COMMD1: variants seen among roughly 807,000 people sequenced by gnomAD.
COMMD1 encodes the protein copper metabolism domain containing 1.
Under a neutral mutation model 17.2 loss-of-function variants are expected in COMMD1, and 10 were observed. The observed-to-expected ratio is 0.58, with a 90% CI of 0.36 to 0.99. The LOEUF (loss-of-function observed/expected upper bound fraction) is 0.99. COMMD1 is among the 50% of genes least tolerant of loss of function. COMMD1 has a pLI of 0.01. For missense variants in COMMD1, 270 were observed against 231.8 expected, an observed-to-expected ratio of 1.17 and a Z score of -1.07; for synonymous variants, 97 against 91.6, an observed-to-expected ratio of 1.06 and a Z score of -0.34.
At chr2:61,974,286 AAAG>A (rs1229069958) in intron 1 of COMMD1, among the ~76,000 whole-genome samples, 10 of 151,984 alleles carry the variant, frequency 6.6e-5, no homozygotes, top group African/African-American at 1.9e-4. Context: ...GTCTAAGAAA[AAAG>A]AAGTTTATAT....
chr2:62,074,375 T>G (rs1671282010), intron 2 of COMMD1, among the ~76,000 whole-genome samples: 1 of 152,174 alleles, frequency 6.6e-6, no homozygotes, highest in African/African-American at 2.4e-5. Flanking sequence ...GGCCCACCCC[T>G]CATCCTGAGT....
At position 62,000,892 on chromosome 2, in the gene COMMD1, G is replaced by C; in HGVS notation, c.372G>C (p.Trp124Cys). The part of the protein sequence containing the change: ...RWNSGLRGLS[W>C]RVDGKSQSRH... ...ATAGCGGGCTTCGGGGCCTGAGCTGGAGAGTTGATGGCAAGTCTCAGTCAA... is the reference window on the plus strand; with the variant it reads ...ATAGCGGGCTTCGGGGCCTGAGCTGCAGAGTTGATGGCAAGTCTCAGTCAA... Residue 124 changes from tryptophan (W) to cysteine (C), a missense_variant, in exon 2 of 3, where the codon TGG (tryptophan) becomes TGC (cysteine). By Grantham distance (215) the Trp-to-Cys change is radical (BLOSUM62 -2). Coordinates refer to ENST00000311832, the MANE Select transcript of COMMD1 (RefSeq NM_152516.4). 2 of 1,614,176 alleles carry C rather than the reference G, an allele frequency of 1.2e-6. No individual in the cohort carries two copies. The highest frequency in any genetic ancestry group is 8.5e-7 in the Non-Finnish European group (1 of 1,180,026).
In COMMD1 at chr2:62,135,170, G is replaced by T. The variant is rs181995169; in HGVS notation, c.463-661G>T. Among the ~76,000 whole-genome samples the T allele has an allele frequency of 3.6e-3, 543 of 152,216 alleles. 1 individual carries two copies. Among genetic ancestry groups the T allele is most frequent in the South Asian group, 0.02 (95 of 4,820 alleles). On this transcript the variant is annotated intron_variant, in intron 2 of 2. Transcript: ENST00000311832. The stretch of plus-strand genomic sequence containing the variant: ...TATATGGTATTTATTTTTGATACAG[G>T]TTAACCTCTTTGTGCCTCAGGGTCC...
Position 62,036,713 on chromosome 2 carries a change from T to A in COMMD1, c.462+35731T>A, listed in dbSNP as rs1272516722. Among the ~76,000 whole-genome samples, 5 of 152,204 alleles carry A rather than the reference T, an allele frequency of 3.3e-5. No individual in the cohort carries two copies. The East Asian group carries it at 9.6e-4, about 29-fold the overall frequency. ...CGTGATGCTTTGTAGACATAGCCTG[T>A]CATTGGTGGTTGTATACATAGACCA... On this transcript the variant is annotated intron_variant, in intron 2 of 2. Coordinates refer to ENST00000311832, the MANE Select transcript of COMMD1 (RefSeq NM_152516.4).
intron 1 of COMMD1, among the ~76,000 whole-genome samples, chr2:61,978,150 T>G (rs983565958): frequency 7.2e-5 from 11 of 152,150 alleles, no homozygotes; most frequent in Admixed American, 2.0e-4. Flanking sequence ...AAGTTGACAT[T>G]ATTTGAAAGT....
At chr2:61,938,890 C>A (rs1283601888) in intron 1 of COMMD1, among the ~76,000 whole-genome samples, 2 of 152,144 alleles carry the variant, frequency 1.3e-5, no homozygotes, top group Non-Finnish European at 2.9e-5. Flanking sequence ...AAAGGAACCT[C>A]TTCCATTAGG....
intron 1 of COMMD1, among the ~76,000 whole-genome samples, chr2:61,889,366 C>G (rs1479517013): frequency 6.6e-6 from 1 of 152,038 alleles, no homozygotes; most frequent in Admixed American, 6.6e-5. Flanking sequence ...GCCACCATGC[C>G]TAGCGAATTT....
chr2:62,086,857 GTT>G (rs70946785), intron 2 of COMMD1, among the ~76,000 whole-genome samples: 1 of 146,632 alleles, frequency 6.8e-6, no homozygotes. Context: ...TTTTGTTTTT[GTT>G]TTTTTTTTTA....
At position 62,000,964 on chromosome 2, in the gene COMMD1, A is replaced by C. The variant is rs199574434; in HGVS notation, c.444A>C (p.Glu148Asp). The C allele has an allele frequency of 1.2e-6, 2 of 1,613,434 alleles. No individual in the cohort carries two copies. Among genetic ancestry groups the C allele is most frequent in the Non-Finnish European group, 1.7e-6 (2 of 1,180,030 alleles). The change falls in exon 2 of 3, where the codon GAA becomes GAC. Residue 148 changes from glutamate to aspartate, a missense_variant. Transcript: ENST00000311832. ...IHTPVAIIEL[E>D]LGKYGQESEF... is the part of the protein sequence containing the mutation. ...CACCTGTTGCCATTATAGAGCTGGA[A>C]TTAGGCAAATATGGACAGGTGAGTT...
chr2:62,066,917 G>C (rs1442128162), intron 2 of COMMD1, among the ~76,000 whole-genome samples: 1 of 149,890 alleles, frequency 6.7e-6, no homozygotes, highest in African/African-American at 2.5e-5. Context: ...GTAGAGACAG[G>C]GTTTCACCAT....
chr2:62,000,566 A>T, intron 1 of COMMD1, 135 bp from the exon 2 acceptor site: 2 of 865,084 alleles, frequency 2.3e-6, no homozygotes, highest in Non-Finnish European at 3.7e-6. Context: ...TGCTGAGATT[A>T]CAGGTGTGAG....
chr2:61,957,746 A>G (rs1473808268), intron 1 of COMMD1, among the ~76,000 whole-genome samples: 1 of 152,242 alleles, frequency 6.6e-6, no homozygotes, highest in East Asian at 1.9e-4. Context: ...TTTTTATTTT[A>G]GGAATTTGAG....
chr2:62,093,600 GGTACATTGCC>G (rs1284386739), intron 2 of COMMD1, among the ~76,000 whole-genome samples: 1 of 152,176 alleles, frequency 6.6e-6, no homozygotes, highest in Non-Finnish European at 1.5e-5. Context: ...TAGGACGAAA[GGTACATTGCC>G]GTACAGGACA....
chr2:61,900,517 T>G (rs1669635429), intron 1 of COMMD1, among the ~76,000 whole-genome samples: 1 of 152,238 alleles, frequency 6.6e-6, no homozygotes, highest in African/African-American at 2.4e-5. Context: ...TTCTATAATT[T>G]GGTATCTTAT....
At chr2:62,012,521 T>A (rs1374499841) in intron 2 of COMMD1, among the ~76,000 whole-genome samples, 4 of 151,896 alleles carry the variant, frequency 2.6e-5, no homozygotes, top group Non-Finnish European at 4.4e-5. Context: ...TTTCTCCATG[T>A]TGGTGAGGCT....
At chr2:62,013,238 A>G (rs1669336696) in intron 2 of COMMD1, among the ~76,000 whole-genome samples, 1 of 150,914 alleles carries the variant, frequency 6.6e-6, no homozygotes, top group Admixed American at 6.6e-5. Flanking sequence ...TGTGATGTTA[A>G]TTAGGTAAAT....
intron 2 of COMMD1, among the ~76,000 whole-genome samples, chr2:62,106,544 C>T (rs912220354): frequency 6.6e-6 from 1 of 152,206 alleles, no homozygotes. Flanking sequence ...AGAGGAGACC[C>T]TGAATGGGGG....
intron 1 of COMMD1, among the ~76,000 whole-genome samples, chr2:61,894,497 T>C (rs1224527946): frequency 6.6e-6 from 1 of 151,734 alleles, no homozygotes; most frequent in Non-Finnish European, 1.5e-5. Flanking sequence ...TACCAATGTA[T>C]GGGTTTACAA....
chr2:61,943,340 G>GT (rs1472009932), intron 1 of COMMD1, among the ~76,000 whole-genome samples: 1 of 152,166 alleles, frequency 6.6e-6, no homozygotes, highest in Non-Finnish European at 1.5e-5. Flanking sequence ...CTCTCCTTGT[G>GT]TTTTTTCATT....
Sources: gnomAD v4.1 joint callset for allele counts (sites outside exome capture counted in the v4.1 genomes callset) on GRCh38, gnomAD v4.1.1 for gene constraint, MANE v1.5 for transcripts, NCBI Gene and HGNC (gene_info 2026-07-23, HGNC 2026-07-21) for gene names.